The following TSPAN9 variants were observed in gnomAD, a reference collection of about 807,000 sequenced individuals.
TSPAN9 encodes the protein tetraspanin 9, also known as tetraspanin-9.
In TSPAN9, 16 loss-of-function variants were observed where a neutral mutation model predicts 31.0. The observed-to-expected ratio is 0.52, with a 90% CI of 0.35 to 0.78. TSPAN9 has a LOEUF of 0.78. TSPAN9 is among the 30% of genes least tolerant of loss of function. The pLI is 0.01. For synonymous variants in TSPAN9, 145 were observed against 121.6 expected, an observed-to-expected ratio of 1.19 and a Z score of -1.27; for missense variants, 272 against 312.5, an observed-to-expected ratio of 0.87 and a Z score of 0.98.
At chr12:3,089,001 T>C (rs10848792) in intron 2 of TSPAN9, among the ~76,000 whole-genome samples, 142,657 of 151,792 alleles carry the variant, frequency 0.94, 67,684 homozygotes, top group East Asian at 1. Flanking sequence ...GGGAGGCCGA[T>C]GCAGGCGGAT....
In TSPAN9 at chr12:3,147,293, G is replaced by A. The variant is rs1255428011; in HGVS notation, c.-17-53884G>A. Among the ~76,000 whole-genome samples, 4 of 152,140 alleles carry A rather than the reference G, an allele frequency of 2.6e-5. No homozygotes were observed. Among genetic ancestry groups the A allele is most frequent in the South Asian group, 2.1e-4 (1 of 4,832 alleles). On this transcript the variant is annotated intron_variant, in intron 2 of 8. Transcript: ENST00000011898. This position sits in a 1 kb window ranked among gnomAD's most constrained non-coding sequence, Gnocchi z 4.3. ...CCCTGGGATGAGGAGCCCGCCAGGG[G>A]CTGGAGAGAATGACAGGCGTCCCAT...
intron 2 of TSPAN9, among the ~76,000 whole-genome samples, chr12:3,104,354 ATTG>A (rs779054643): frequency 8.0e-5 from 12 of 149,748 alleles, no homozygotes; most frequent in Non-Finnish European, 1.3e-4. Context: ...TTTTTTTTTA[ATTG>A]TTGTTGTTGT....
At chr12:3,179,576 G>A (rs929801105) in intron 2 of TSPAN9, among the ~76,000 whole-genome samples, 4 of 152,144 alleles carry the variant, frequency 2.6e-5, no homozygotes, top group East Asian at 1.9e-4. Flanking sequence ...AATTTGTAAC[G>A]GGTAAGATAT....
chr12:3,195,442 A>C (rs1194425865), intron 2 of TSPAN9, among the ~76,000 whole-genome samples: 1 of 151,264 alleles, frequency 6.6e-6, no homozygotes. Flanking sequence ...AAAAAAATAA[A>C]AGAAAAGTGA....
At chr12:3,227,415 A>G (rs1282803467) in intron 3 of TSPAN9, among the ~76,000 whole-genome samples, 1 of 152,064 alleles carries the variant, frequency 6.6e-6, no homozygotes, top group Admixed American at 6.5e-5. Context: ...GCAGCCCATC[A>G]TGGCCTGTGC....
intron 2 of TSPAN9, among the ~76,000 whole-genome samples, chr12:3,163,927 T>C (rs914347008): frequency 2.6e-5 from 4 of 152,316 alleles, no homozygotes; most frequent in African/African-American, 9.6e-5. Flanking sequence ...CCCTCTCCAA[T>C]TGATTAGGCA....
rs866877525 is a variant in TSPAN9, at chr12:3,220,106, T to G, written c.63+18850T>G. On this transcript the variant is annotated intron_variant, in intron 3 of 8. Transcript: ENST00000011898. Reference sequence around the variant, plus strand: ...GTTGCAGTGAGCCGAGATCACGCCATTGCACTCCAGCCTGGGTGACAAGAG... The same window carrying G: ...GTTGCAGTGAGCCGAGATCACGCCAGTGCACTCCAGCCTGGGTGACAAGAG... 3.2e-4 allele frequency among the ~76,000 whole-genome samples: 47 copies of G among 147,648 alleles called. 1 individual carries two copies. Among genetic ancestry groups the G allele is most frequent in the Admixed American group, 2.2e-3 (33 of 14,754 alleles).
intron 2 of TSPAN9, among the ~76,000 whole-genome samples, chr12:3,109,300 G>GTGTGTATGTGTGTGTGTGTGAGAC (rs61305291): frequency 1.3e-5 from 1 of 75,382 alleles, no homozygotes; most frequent in African/African-American, 9.2e-5. Context: ...GTGTGTGTGT[G>GTGTGTATGTGTGTGTGTGTGAGAC]AGAGAGAGTG....
intron 2 of TSPAN9, among the ~76,000 whole-genome samples, chr12:3,188,841 C>T (rs7977649): frequency 0.19 from 29,029 of 151,700 alleles, 3,008 homozygotes; most frequent in Middle Eastern, 0.25. Context: ...CCAGATAGGC[C>T]GAGGGCAGTG....
chr12:3,089,228 T>C (rs2098302590), intron 2 of TSPAN9, among the ~76,000 whole-genome samples: 1 of 138,832 alleles, frequency 7.2e-6, no homozygotes. Context: ...CGAGACTCCA[T>C]CTCAAAAAAG....
At chr12:3,095,441 G>A (rs1187644857) in intron 2 of TSPAN9, among the ~76,000 whole-genome samples, 2 of 145,890 alleles carry the variant, frequency 1.4e-5, no homozygotes, top group South Asian at 4.5e-4. Flanking sequence ...TTCCCAGTAG[G>A]GGCGGCCGGG....
Position 3,107,581 on chromosome 12 carries a change from G to A in TSPAN9, c.-18+23862G>A, listed in dbSNP as rs1413793634. Among the ~76,000 whole-genome samples, 1 of 152,148 alleles carries A rather than the reference G, an allele frequency of 6.6e-6. No individual in the cohort carries two copies. The highest frequency in any genetic ancestry group is 1.5e-5 in the Non-Finnish European group (1 of 68,032). ...TGGGGCCATGCATGCCTCTTGTTAG[G>A]TCTGGCTTTCCCTTTCTGTTTGGGG... On this transcript the variant is annotated intron_variant, in intron 2 of 8. Coordinates refer to ENST00000011898, the MANE Select transcript of TSPAN9 (RefSeq NM_006675.5). This position sits in a 1 kb window ranked among gnomAD's most constrained non-coding sequence, Gnocchi z 4.1.
At position 3,081,844 on chromosome 12, in the gene TSPAN9, G is replaced by GTGTATATATATATA. The variant is rs57812985; in HGVS notation, c.-84-1808_-84-1807insGTATATATATATAT. ...TGTGTGTGTGTGTGTGTCTGTGTGT[G>GTGTATATATATATA]TATATATATGCCAGGTGTGGTGGTA... On this transcript the variant is annotated intron_variant, in intron 1 of 8. Transcript: ENST00000011898. 9.7e-3 allele frequency among the ~76,000 whole-genome samples: 1,129 copies of GTGTATATATATATA among 116,754 alleles called. 21 individuals carry two copies. The highest frequency in any genetic ancestry group is 0.012 in the Non-Finnish European group (731 of 59,826). 76.6% of individuals were successfully genotyped at this position (116,754 alleles called of 152,430 possible).
Position 3,278,612 on chromosome 12 carries a change from C to T in TSPAN9, c.255C>T (p.Ser85=), listed in dbSNP as rs142472395. 177 of 1,613,288 alleles carry T rather than the reference C, an allele frequency of 1.1e-4. No homozygotes were observed. In the African/African-American group the frequency reaches 1.8e-3, roughly 16 times the overall value. Residue 85 remains serine (S), a splice_region_variant and synonymous_variant, in exon 4 of 9, where the codon AGC becomes AGT. Transcript: ENST00000011898. The part of the protein sequence containing the change: ...AIKENKCLLL[S]FFIVLLVILL... ...AGGAAAACAAGTGCCTCCTCCTCAGCGTAAGTTCTGTCCAAATCCCCAGCC... is the reference window on the plus strand; with the variant it reads ...AGGAAAACAAGTGCCTCCTCCTCAGTGTAAGTTCTGTCCAAATCCCCAGCC...
intron 2 of TSPAN9, among the ~76,000 whole-genome samples, chr12:3,122,797 G>GT (rs1225600692): frequency 6.6e-6 from 1 of 152,202 alleles, no homozygotes; most frequent in African/African-American, 2.4e-5. Context: ...AAATGTCATT[G>GT]TTTTTTCTCT....
chr12:3,135,161 C>T (rs1449977948), intron 2 of TSPAN9, among the ~76,000 whole-genome samples: 1 of 152,162 alleles, frequency 6.6e-6, no homozygotes. Flanking sequence ...GAGCTCACTG[C>T]AGCCTCGAAC....
chr12:3,249,124 C>T (rs117192705), intron 3 of TSPAN9, among the ~76,000 whole-genome samples: 1,981 of 152,336 alleles, frequency 0.013, 14 homozygotes, highest in Non-Finnish European at 0.02. Flanking sequence ...AGGGCCTTAG[C>T]CATGTTAACA....
intron 5 of TSPAN9, among the ~76,000 whole-genome samples, chr12:3,279,627 A>C (rs947039364): frequency 6.6e-6 from 1 of 152,176 alleles, no homozygotes. Context: ...GTCAAGAGCG[A>C]GGTTGGCCGG....
intron 2 of TSPAN9, among the ~76,000 whole-genome samples, chr12:3,129,914 CA>C (rs1409932732): frequency 1.6e-4 from 25 of 152,166 alleles, no homozygotes; most frequent in African/African-American, 5.8e-4. Context: ...CATCCCTGAC[CA>C]ACCCCTCCAT....
Sources: allele counts gnomAD v4.1 joint callset (sites outside exome capture counted in the v4.1 genomes callset), GRCh38; gene constraint gnomAD v4.1.1; non-coding constraint Gnocchi (gnomAD v3.1); transcripts MANE v1.5; gene names NCBI Gene and HGNC (gene_info 2026-07-23, HGNC 2026-07-21).